CNTNAP2: variants seen among roughly 807,000 people sequenced by gnomAD.
CNTNAP2 encodes the protein contactin associated protein 2.
In CNTNAP2, 98 loss-of-function variants were observed where a neutral mutation model predicts 155.2. The observed-to-expected ratio is 0.63, with a 90% CI of 0.54 to 0.75. The LOEUF (loss-of-function observed/expected upper bound fraction) is 0.75. Ranked by LOEUF, CNTNAP2 falls within the 30% of genes least tolerant of loss-of-function variation. The pLI, the probability that CNTNAP2 is intolerant of heterozygous loss-of-function variation, is 0.00. For missense variants in CNTNAP2, 1,727 were observed against 1,688.1 expected (o/e 1.02, Z -0.40); for synonymous variants, 651 against 631.2 (o/e 1.03, Z -0.47).
Position 146,729,075 on chromosome 7 carries a change from G to T in CNTNAP2, c.98-45196G>T, listed in dbSNP as rs1801480626. ...GTAGAAAATTAAACCCTCTGGGGCTGATCCACGCGGAGCTCAGTTGAAGTA... is the reference window on the plus strand; with the variant it reads ...GTAGAAAATTAAACCCTCTGGGGCTTATCCACGCGGAGCTCAGTTGAAGTA... On this transcript the variant is annotated intron_variant, in intron 1 of 23. Transcript: ENST00000361727. Among the ~76,000 whole-genome samples, 3 of 152,282 alleles carry T rather than the reference G, an allele frequency of 2.0e-5. No individual in the cohort carries two copies. The South Asian group carries it at 6.2e-4, about 32-fold the overall frequency.
chr7:148,219,279 A>G (rs150487777), intron 19 of CNTNAP2, among the ~76,000 whole-genome samples: 3 of 152,318 alleles, frequency 2.0e-5, no homozygotes, highest in African/African-American at 4.8e-5. Flanking sequence ...TTTTAAGAGC[A>G]TGCAGGAACA....
At chr7:148,049,356 G>T (rs114711785) in intron 15 of CNTNAP2, among the ~76,000 whole-genome samples, 1,871 of 152,176 alleles carry the variant, frequency 0.012, 48 homozygotes, top group African/African-American at 0.043. Context: ...TCTCACTGTT[G>T]ACCTAATTAA....
At chr7:147,022,384 G>T (rs905190287) in intron 3 of CNTNAP2, among the ~76,000 whole-genome samples, 14 of 152,126 alleles carry the variant, frequency 9.2e-5, no homozygotes, top group Non-Finnish European at 1.6e-4. Context: ...CCCACTTTCT[G>T]CTTCTCCATA....
chr7:147,812,217 T>A (rs140149752), intron 13 of CNTNAP2, among the ~76,000 whole-genome samples: 1 of 152,124 alleles, frequency 6.6e-6, no homozygotes, highest in Non-Finnish European at 1.5e-5. Flanking sequence ...GTCTGAGATG[T>A]TCCAGGAAGA....
chr7:146,202,458 A>C (rs1798880447), intron 1 of CNTNAP2, among the ~76,000 whole-genome samples: 1 of 152,180 alleles, frequency 6.6e-6, no homozygotes, highest in African/African-American at 2.4e-5. Context: ...ATGTTAAAAA[A>C]CTTAATGCCT....
chr7:147,495,886 C>T (rs560476388), intron 11 of CNTNAP2, among the ~76,000 whole-genome samples: 17 of 152,286 alleles, frequency 1.1e-4, no homozygotes, highest in African/African-American at 3.6e-4. Context: ...CCTCTATTTA[C>T]AGCCACTCCC....
chr7:147,364,648 G>A (rs1034236740), intron 9 of CNTNAP2, among the ~76,000 whole-genome samples: 1 of 152,152 alleles, frequency 6.6e-6, no homozygotes, highest in Non-Finnish European at 1.5e-5. Flanking sequence ...AGGAGATTGA[G>A]ACCATCCTGG....
At chr7:147,175,276 C>G (rs577347403) in intron 8 of CNTNAP2, among the ~76,000 whole-genome samples, 4 of 150,402 alleles carry the variant, frequency 2.7e-5, no homozygotes, top group African/African-American at 9.8e-5. Context: ...TTTTGTAACT[C>G]CTATATTCCC....
chr7:146,663,298 AGAAAG>A (rs754006869), intron 1 of CNTNAP2, among the ~76,000 whole-genome samples: 7 of 88,346 alleles, frequency 7.9e-5, no homozygotes, highest in African/African-American at 2.6e-4. Context: ...AAAAAAAAAA[AGAAAG>A]AAAGAAAAAG....
chr7:146,809,939 A>G (rs1345976625), intron 2 of CNTNAP2, among the ~76,000 whole-genome samples: 1 of 152,182 alleles, frequency 6.6e-6, no homozygotes, highest in Non-Finnish European at 1.5e-5. Context: ...AATGGCAAGA[A>G]GCTTTTCCCC....
At position 147,147,226 on chromosome 7, in the gene CNTNAP2, G is replaced by A. The variant is rs995073170; in HGVS notation, c.1348+14717G>A. Among the ~76,000 whole-genome samples, 14 of 152,190 alleles carry A rather than the reference G, an allele frequency of 9.2e-5. 1 individual carries two copies. The highest frequency in any genetic ancestry group is 6.8e-3 in the Middle Eastern group (2 of 294). Reference sequence around the variant, plus strand: ...CATGAGAATTCACTCACTATCACCAGAACAGCATGAGGGAAACTGCCCCAT... The same window carrying A: ...CATGAGAATTCACTCACTATCACCAAAACAGCATGAGGGAAACTGCCCCAT... On this transcript the variant is annotated intron_variant, in intron 8 of 23. Coordinates refer to ENST00000361727, the MANE Select transcript of CNTNAP2 (RefSeq NM_014141.6).
chr7:146,461,414 AAATAT>A (rs1010030238), intron 1 of CNTNAP2, among the ~76,000 whole-genome samples: 3 of 148,736 alleles, frequency 2.0e-5, no homozygotes, highest in African/African-American at 7.6e-5. Context: ...CAAAAAAAAA[AAATAT>A]AATAATAATA....
chr7:147,863,446 G>A (rs536004341), intron 13 of CNTNAP2, among the ~76,000 whole-genome samples: 9 of 152,286 alleles, frequency 5.9e-5, no homozygotes, highest in African/African-American at 1.9e-4. Context: ...TATATACCCA[G>A]TAATGGGATC....
intron 13 of CNTNAP2, among the ~76,000 whole-genome samples, chr7:147,850,738 G>C (rs1376464647): frequency 1.3e-5 from 2 of 152,148 alleles, no homozygotes; most frequent in African/African-American, 4.8e-5. Flanking sequence ...GCTGAAACTG[G>C]ATCCCTTCCT....
At chr7:147,641,005 G>A (rs1214917124) in intron 13 of CNTNAP2, among the ~76,000 whole-genome samples, 1 of 152,192 alleles carries the variant, frequency 6.6e-6, no homozygotes, top group East Asian at 1.9e-4. Flanking sequence ...GAGATATGTG[G>A]GGGCGGCCAT....
intron 1 of CNTNAP2, among the ~76,000 whole-genome samples, chr7:146,763,444 A>G (rs999044640): frequency 8.5e-5 from 13 of 152,094 alleles, no homozygotes; most frequent in African/African-American, 2.7e-4. Context: ...ACCATCTGAA[A>G]TACTGTGTAT....
intron 10 of CNTNAP2, among the ~76,000 whole-genome samples, chr7:147,475,060 A>G (rs981132729): frequency 1.3e-5 from 2 of 152,216 alleles, no homozygotes; most frequent in African/African-American, 4.8e-5. Context: ...ATCAGTACAC[A>G]TAGATCTGCG....
intron 1 of CNTNAP2, among the ~76,000 whole-genome samples, chr7:146,454,014 G>A (rs1796519506): frequency 6.6e-6 from 1 of 151,858 alleles, no homozygotes; most frequent in South Asian, 2.1e-4. Context: ...TTAAAAGATA[G>A]AAAATTTTCA....
chr7:147,672,921 C>T lies in CNTNAP2; in HGVS notation c.2098+33615C>T, dbSNP rs182076712. 3 of 152,252 alleles carry T rather than the reference C, an allele frequency of 2.0e-5. No individual in the cohort carries two copies. The East Asian group carries it at 5.8e-4, about 29-fold the overall frequency. 9.4% of individuals were successfully genotyped at this position (152,252 alleles called of 1,614,324 possible). On this transcript the variant is annotated intron_variant, in intron 13 of 23. Transcript: ENST00000361727. Reference sequence around the variant, plus strand: ...AAGGATACCCAAAGCCAAGTTTGATCCTGAATTCCCCAAATCAAAAGTATT... The same window carrying T: ...AAGGATACCCAAAGCCAAGTTTGATTCTGAATTCCCCAAATCAAAAGTATT...
Sources: allele counts gnomAD v4.1 joint callset (sites outside exome capture counted in the v4.1 genomes callset), GRCh38; gene constraint gnomAD v4.1.1; transcripts MANE v1.5; gene names NCBI Gene and HGNC (gene_info 2026-07-23, HGNC 2026-07-21).